GRM1: variants seen among roughly 807,000 people sequenced by gnomAD.
The protein encoded by GRM1 is metabotropic glutamate receptor 1.
Under a neutral mutation model 90.9 loss-of-function variants are expected in GRM1, and 33 were observed. The ratio of observed to expected loss-of-function variants is 0.36; its 90% CI spans 0.28 to 0.49. The LOEUF (loss-of-function observed/expected upper bound fraction) is 0.49. Ranked by LOEUF, GRM1 falls within the 20% of genes least tolerant of loss-of-function variation. GRM1 has a pLI of 0.99. For missense variants in GRM1, 1,190 were observed against 1,534.3 expected (o/e 0.78, Z 3.75); for synonymous variants, 700 against 613.2 (o/e 1.14, Z -2.09).
At chr6:146,425,023 AATTTT>A (rs1778146129) in intron 7 of GRM1, among the ~76,000 whole-genome samples, 1 of 152,140 alleles carries the variant, frequency 6.6e-6, no homozygotes, top group South Asian at 2.1e-4. Flanking sequence ...CTGTTTTTCT[AATTTT>A]ATTAAATGAA....
intron 3 of GRM1, among the ~76,000 whole-genome samples, chr6:146,316,763 G>A (rs572786699): frequency 1.3e-5 from 2 of 151,730 alleles, no homozygotes; most frequent in South Asian, 2.1e-4. Flanking sequence ...TTTGAGGGCC[G>A]GGGGACTGTC....
intron 2 of GRM1, among the ~76,000 whole-genome samples, chr6:146,235,307 T>TA: frequency 6.6e-6 from 1 of 152,146 alleles, no homozygotes; most frequent in Non-Finnish European, 1.5e-5. Context: ...CCTATCTTTG[T>TA]TCCTCTAGAT....
intron 7 of GRM1, among the ~76,000 whole-genome samples, chr6:146,413,565 A>G (rs1417461054): frequency 2.0e-5 from 3 of 152,116 alleles, no homozygotes; most frequent in Non-Finnish European, 2.9e-5. Flanking sequence ...CATTTCATGT[A>G]CATGCTATTG....
chr6:146,282,510 A>G (rs1301078953), intron 2 of GRM1, among the ~76,000 whole-genome samples: 1 of 152,064 alleles, frequency 6.6e-6, no homozygotes, highest in Non-Finnish European at 1.5e-5. Flanking sequence ...GGAAGGCATT[A>G]GAAAATTACA....
At chr6:146,426,886 T>A (rs1778231783) in intron 7 of GRM1, among the ~76,000 whole-genome samples, 1 of 152,180 alleles carries the variant, frequency 6.6e-6, no homozygotes, top group Admixed American at 6.5e-5. Flanking sequence ...TTTTTTCTGA[T>A]TCTGGAGACT....
At chr6:146,304,903 T>C (rs971575170) in intron 3 of GRM1, 57 bp downstream of exon 3, 3 of 1,169,660 alleles carry the variant, frequency 2.6e-6, no homozygotes, top group Non-Finnish European at 1.3e-6. Context: ...TCTAGATTTA[T>C]TGCAACTTGT....
intron 1 of GRM1, among the ~76,000 whole-genome samples, chr6:146,098,242 A>G (rs150093516): frequency 3.3e-5 from 5 of 152,306 alleles, no homozygotes; most frequent in East Asian, 1.9e-4. Flanking sequence ...TTTAGAATGT[A>G]TGATCAAACC....
At chr6:146,104,198 T>C (rs1777144903) in intron 1 of GRM1, among the ~76,000 whole-genome samples, 1 of 152,154 alleles carries the variant, frequency 6.6e-6, no homozygotes, top group Non-Finnish European at 1.5e-5. Flanking sequence ...CCCAGCACTT[T>C]GGGAGGCCGA....
chr6:146,282,719 T>A lies in GRM1; in HGVS notation c.951-21892T>A, dbSNP rs1158321992. ...AATATTATTTATTTCTTTCTACAGA[T>A]GGTCAGAAAACTAGAACTAGAAAAA... On this transcript the variant is annotated intron_variant, in intron 2 of 7. Transcript: ENST00000282753. Among the ~76,000 whole-genome samples, 3 of 152,132 alleles carry A rather than the reference T, an allele frequency of 2.0e-5. No individual in the cohort carries two copies. The East Asian group carries it at 5.8e-4, about 29-fold the overall frequency.
At chr6:146,226,840 T>G (rs1780257084) in intron 2 of GRM1, among the ~76,000 whole-genome samples, 1 of 152,258 alleles carries the variant, frequency 6.6e-6, no homozygotes, top group Non-Finnish European at 1.5e-5. Context: ...TCCTAGATGA[T>G]TCTTTTTCAC....
At chr6:146,214,961 C>A (rs998109452) in intron 2 of GRM1, among the ~76,000 whole-genome samples, 1 of 152,150 alleles carries the variant, frequency 6.6e-6, no homozygotes, top group African/African-American at 2.4e-5. Flanking sequence ...GGCTTGTGAT[C>A]TACCTTGCTC....
chr6:146,218,789 CATTTAAT>C (rs1779958376), intron 2 of GRM1, among the ~76,000 whole-genome samples: 1 of 152,092 alleles, frequency 6.6e-6, no homozygotes, highest in Non-Finnish European at 1.5e-5. Flanking sequence ...TCACTAGGTG[CATTTAAT>C]ATTTAAATAC....
intron 1 of GRM1, among the ~76,000 whole-genome samples, chr6:146,065,622 A>T (rs1775819337): frequency 6.6e-6 from 1 of 152,182 alleles, no homozygotes; most frequent in East Asian, 1.9e-4. Context: ...AGGACATGTG[A>T]TGCTGGGCCT....
rs1326252116 is a variant in GRM1, at chr6:146,143,375, C to T, written c.701-15973C>T. ...CTTAGTAATAGGGTTGAATTGATCCCACCAAGCATAAGGTGGCTAAAAGTA... is the reference window on the plus strand; with the variant it reads ...CTTAGTAATAGGGTTGAATTGATCCTACCAAGCATAAGGTGGCTAAAAGTA... On this transcript the variant is annotated intron_variant, in intron 1 of 7. Coordinates refer to ENST00000282753, the MANE Select transcript of GRM1 (RefSeq NM_001278064.2). 4.6e-5 allele frequency among the ~76,000 whole-genome samples: 7 copies of T among 152,148 alleles called. No homozygotes were observed. In the East Asian group the frequency reaches 1.3e-3, roughly 29 times the overall value.
At chr6:146,341,628 T>C (rs1228875728) in intron 3 of GRM1, among the ~76,000 whole-genome samples, 1 of 152,160 alleles carries the variant, frequency 6.6e-6, no homozygotes, top group Non-Finnish European at 1.5e-5. Context: ...AACACATGAC[T>C]CTCTAGAAAG....
At chr6:146,373,072 G>A (rs540549071) in intron 5 of GRM1, among the ~76,000 whole-genome samples, 5 of 152,148 alleles carry the variant, frequency 3.3e-5, no homozygotes, top group South Asian at 2.1e-4. Context: ...GCATTTTAAC[G>A]ATATTGGTTT....
chr6:146,292,721 G>C (rs759683891), intron 2 of GRM1, among the ~76,000 whole-genome samples: 1 of 151,828 alleles, frequency 6.6e-6, no homozygotes, highest in Non-Finnish European at 1.5e-5. Flanking sequence ...TTCCAAAAAA[G>C]CTAAACATAG....
At chr6:146,123,001 C>T (rs1776053954) in intron 1 of GRM1, among the ~76,000 whole-genome samples, 1 of 151,774 alleles carries the variant, frequency 6.6e-6, no homozygotes, top group East Asian at 1.9e-4. Flanking sequence ...CACACCACCA[C>T]ATCCAGCTGA....
At chr6:146,211,198 A>G (rs1779677074) in intron 2 of GRM1, among the ~76,000 whole-genome samples, 1 of 152,066 alleles carries the variant, frequency 6.6e-6, no homozygotes, top group Admixed American at 6.6e-5. Context: ...AGTTCTTAGA[A>G]AGTAATGAGC....
Sources: allele counts gnomAD v4.1 joint callset (sites outside exome capture counted in the v4.1 genomes callset), GRCh38; gene constraint gnomAD v4.1.1; transcripts MANE v1.5; gene names NCBI Gene and HGNC (gene_info 2026-07-23, HGNC 2026-07-21).